The following ADCY10 variants were observed in gnomAD, a reference collection of about 807,000 sequenced individuals.
The protein encoded by ADCY10 is adenylate cyclase 10.
In ADCY10, 156 loss-of-function variants were observed where a neutral mutation model predicts 183.3. That is an observed-to-expected ratio of 0.85 (90% CI 0.75 to 0.97). ADCY10 has a LOEUF of 0.97. Ranked by LOEUF, ADCY10 falls within the 50% of genes least tolerant of loss-of-function variation. The pLI, the probability that ADCY10 is intolerant of heterozygous loss-of-function variation, is 0.00. For synonymous variants in ADCY10, 645 were observed against 670.0 expected (o/e 0.96, Z 0.58); for missense variants, 1,745 against 1,934.3 (o/e 0.90, Z 1.84).
chr1:167,895,819 A>G (rs140548226), intron 7 of ADCY10, among the ~76,000 whole-genome samples: 222 of 152,316 alleles, frequency 1.5e-3, no homozygotes, highest in African/African-American at 5.2e-3. Flanking sequence ...AGCACGAATA[A>G]ATGGTTCACT....
rs573766906 is a variant in ADCY10, at chr1:167,903,832, G to A, written c.253+55C>T. 2.3e-5 allele frequency: 31 copies of A among 1,324,012 alleles called. 1 individual carries two copies. The East Asian group carries it at 6.0e-4, about 26-fold the overall frequency. 82.0% of individuals were successfully genotyped at this position (1,324,012 alleles called of 1,614,324 possible). On this transcript the variant is annotated intron_variant, in intron 3 of 32. Transcript: ENST00000367851. ...CTATCAGGTTATAATTGACAACTAC[G>A]GAAAAAACAATGAATTGAAATATTC...
At chr1:167,866,510 A>G (rs1463756011) in intron 14 of ADCY10, among the ~76,000 whole-genome samples, 1 of 146,230 alleles carries the variant, frequency 6.8e-6, no homozygotes, top group African/African-American at 2.6e-5. Context: ...TGACCTGACG[A>G]AAGTGCACAC....
In ADCY10 at chr1:167,833,115, C is replaced by T. The variant is rs764387294; in HGVS notation, c.3465G>A (p.Arg1155=). The T allele has an allele frequency of 6.2e-7, 1 of 1,614,166 alleles. No homozygotes were observed. Among genetic ancestry groups the T allele is most frequent in the Non-Finnish European group, 8.5e-7 (1 of 1,180,042 alleles). ...TTCGGTTGAGGAGCTTCAGTGCCTTCCTCAGCATTTTCTTGGCAAGCACTA... is the reference window on the plus strand; with the variant it reads ...TTCGGTTGAGGAGCTTCAGTGCCTTTCTCAGCATTTTCTTGGCAAGCACTA... ...GQIVLAKKML[R]KALKLLNRIF... The change falls in exon 25 of 33, where the codon AGG becomes AGA. Residue 1155 remains arginine, a synonymous_variant. Transcript: ENST00000367851.
intron 6 of ADCY10, among the ~76,000 whole-genome samples, chr1:167,897,473 G>C (rs1324237316): frequency 1.3e-5 from 2 of 148,682 alleles, no homozygotes; most frequent in Admixed American, 6.8e-5. Flanking sequence ...CTCCCCACTG[G>C]GTGACAGAGT....
rs1317885912 is a variant in ADCY10 at position 167,823,141 on chromosome 1, T to C, written c.4053-18A>G. The C allele has an allele frequency of 6.2e-7, 1 of 1,606,004 alleles. No individual in the cohort carries two copies. Among genetic ancestry groups the C allele is most frequent in the Admixed American group, 1.7e-5 (1 of 59,998 alleles). ...GCGGGTATCTATGGAAAAGAAAAGG[T>C]AGTGGCCATTAAAAAGTGGTGGATA... is the stretch of plus-strand genomic sequence containing the variant. On this transcript the variant is annotated intron_variant, in intron 28 of 32. Coordinates refer to ENST00000367851, the MANE Select transcript of ADCY10 (RefSeq NM_018417.6).
At chr1:167,904,138 A>C in intron 2 of ADCY10, 147 bp from the exon 3 acceptor site, 2 of 546,952 alleles carry the variant, frequency 3.7e-6, no homozygotes, top group South Asian at 4.1e-5. Context: ...CCCAGGCTGG[A>C]GGGCAATGGT....
intron 32 of ADCY10, among the ~76,000 whole-genome samples, 168 bp downstream of exon 32, chr1:167,810,557 G>T (rs1274222517): frequency 2.0e-5 from 3 of 152,142 alleles, no homozygotes; most frequent in Non-Finnish European, 2.9e-5. Flanking sequence ...CTTGATCTTG[G>T]ACTTCCAGCT....
intron 19 of ADCY10, among the ~76,000 whole-genome samples, chr1:167,847,716 C>T (rs1355936361): frequency 1.3e-5 from 2 of 152,174 alleles, no homozygotes; most frequent in African/African-American, 4.8e-5. Flanking sequence ...GCCACTGTGC[C>T]TGGCCAATAA....
In ADCY10 at chr1:167,845,698, C is replaced by A. The variant is rs376243653; in HGVS notation, c.2872G>T (p.Glu958Ter). The change falls in exon 21 of 33, where the codon GAA (glutamate) becomes TAA (stop). Residue 958 changes from glutamate to a stop codon, truncating the protein, a stop_gained. Coordinates refer to ENST00000367851, the MANE Select transcript of ADCY10 (RefSeq NM_018417.6). LOFTEE classifies it high-confidence loss of function. ...TGGTCACATCTGTGGGCATCTTCTT[C>A]TAAAAAGCGGGCACATTTCAAGTGC... ...AMHLKCARFL[E>*]EDAHRCDHCR... 1.4e-5 allele frequency: 22 copies of A among 1,614,230 alleles called. No homozygotes were observed. Among genetic ancestry groups the A allele is most frequent in the Middle Eastern group, 1.6e-4 (1 of 6,062 alleles).
intron 13 of ADCY10, among the ~76,000 whole-genome samples, chr1:167,870,969 T>C (rs1290307241): frequency 6.6e-6 from 1 of 152,204 alleles, no homozygotes; most frequent in Non-Finnish European, 1.5e-5. Flanking sequence ...AGTATTCTTA[T>C]AATCCTCATT....
chr1:167,894,034 C>A (rs1236545537), intron 7 of ADCY10, 93 bp from the exon 8 acceptor site: 2 of 843,276 alleles, frequency 2.4e-6, no homozygotes, highest in Non-Finnish European at 4.0e-6. Context: ...TTCTCTTGGG[C>A]AGTGGGCCTT....
chr1:167,900,788 T>A (rs1669364560), intron 5 of ADCY10, among the ~76,000 whole-genome samples: 1 of 152,192 alleles, frequency 6.6e-6, no homozygotes, highest in Non-Finnish European at 1.5e-5. Context: ...CACCTTGGCC[T>A]CCCAAAGTGC....
intron 31 of ADCY10, among the ~76,000 whole-genome samples, chr1:167,811,737 C>T (rs557274849): frequency 6.6e-6 from 1 of 152,228 alleles, no homozygotes; most frequent in Admixed American, 6.5e-5. Flanking sequence ...ACTGTGGGAA[C>T]CAGTGCCAGG....
At chr1:167,895,180 C>CAA (rs369502605) in intron 7 of ADCY10, among the ~76,000 whole-genome samples, 9 of 67,748 alleles carry the variant, frequency 1.3e-4, no homozygotes, top group African/African-American at 3.9e-4. Context: ...GACTCCATCT[C>CAA]AAAAAAAAAA....
chr1:167,885,612 G>A (rs984363929), intron 8 of ADCY10, among the ~76,000 whole-genome samples: 29 of 152,030 alleles, frequency 1.9e-4, no homozygotes, highest in Non-Finnish European at 4.4e-5. Context: ...TTTGAGAAAT[G>A]TCTATTTCGA....
At chr1:167,907,981 G>A (rs548737426) in intron 1 of ADCY10, among the ~76,000 whole-genome samples, 2 of 152,140 alleles carry the variant, frequency 1.3e-5, no homozygotes, top group South Asian at 4.2e-4. Flanking sequence ...TTGAAAGTAC[G>A]GCCATTATGG....
chr1:167,823,148 C>T, intron 28 of ADCY10, 25 bp from the exon 29 acceptor site: 2 of 1,598,908 alleles, frequency 1.3e-6, no homozygotes, highest in Non-Finnish European at 1.7e-6. Context: ...AGGTAGTGGC[C>T]ATTAAAAAGT....
At position 167,824,710 on chromosome 1, in the gene ADCY10, GC is replaced by G. The variant is rs764989709; in HGVS notation, c.3895del (p.Ala1299LeufsTer10). ...GAGCTTGTTGAAGACCAGTGTCTCAGCCACGTATGCCACGATTTCAATGCCC... is the reference window on the plus strand; with the variant it reads ...GAGCTTGTTGAAGACCAGTGTCTCAGCACGTATGCCACGATTTCAATGCCC... Reference protein sequence around the residue: ...GEGIEIVAYVAETLVFNKLIM... With the variant: ...GEGIEIVAYVXETLVFNKLIM... On this transcript the variant is annotated frameshift_variant, in exon 27 of 33. Transcript: ENST00000367851. LOFTEE classifies it high-confidence loss of function. The G allele has an allele frequency of 6.2e-7, 1 of 1,614,096 alleles. No homozygotes were observed. Among genetic ancestry groups the G allele is most frequent in the African/African-American group, 1.3e-5 (1 of 74,932 alleles).
At chr1:167,848,649 G>GTTTTGTT (rs1175686426) in intron 18 of ADCY10, among the ~76,000 whole-genome samples, 160 bp from the exon 19 acceptor site, 2 of 151,484 alleles carry the variant, frequency 1.3e-5, no homozygotes, top group Non-Finnish European at 2.9e-5. Flanking sequence ...GTTTTGTTTT[G>GTTTTGTT]TTTTGTTTTT....
Sources: allele counts gnomAD v4.1 joint callset (sites outside exome capture counted in the v4.1 genomes callset), GRCh38; gene constraint gnomAD v4.1.1; transcripts MANE v1.5; gene names NCBI Gene and HGNC (gene_info 2026-07-23, HGNC 2026-07-21).